The following SNX29 variants were observed in gnomAD, a reference collection of about 807,000 sequenced individuals.
SNX29 encodes sorting nexin 29, also known as sorting nexin-29.
Under a neutral mutation model 102.1 loss-of-function variants are expected in SNX29, and 78 were observed. The observed-to-expected ratio is 0.76, with a 90% CI of 0.64 to 0.92. SNX29 has a LOEUF of 0.92. Ranked by LOEUF, SNX29 falls within the 40% of genes least tolerant of loss-of-function variation. SNX29 has a pLI of 0.00. For missense variants in SNX29, 1,280 were observed against 1,061.7 expected, an observed-to-expected ratio of 1.21 and a Z score of -2.86; for synonymous variants, 580 against 414.5, an observed-to-expected ratio of 1.40 and a Z score of -4.85.
At position 12,362,553 on chromosome 16, in the gene SNX29, T is replaced by TCCCCCCCCCCCCCCCCC. The variant is rs1199911670; in HGVS notation, c.1899+6282_1899+6283insCCCCCCCCCCCCCCCCC. ...TGCAGAAGGATTTTGGCTGCTGCAC[T>TCCCCCCCCCCCCCCCCC]CCCCCCCCACCCCCCCCCCCACCAG... On this transcript the variant is annotated intron_variant, in intron 16 of 20. Transcript: ENST00000566228. 7.2e-4 allele frequency among the ~76,000 whole-genome samples: 8 copies of TCCCCCCCCCCCCCCCCC among 11,052 alleles called. 1 individual carries two copies. The highest frequency in any genetic ancestry group is 1.2e-3 in the African/African-American group (4 of 3,320). The allele number at this position is 11,052 out of a possible 152,430, so 7.3% of individuals were successfully genotyped here.
intron 18 of SNX29, among the ~76,000 whole-genome samples, chr16:12,476,636 A>C (rs920170466): frequency 6.6e-6 from 1 of 151,330 alleles, no homozygotes; most frequent in African/African-American, 2.4e-5. Flanking sequence ...GGACTTCTGT[A>C]AACTTGATAG....
At position 12,315,816 on chromosome 16, in the gene SNX29, G is replaced by A. The variant is rs114792807; in HGVS notation, c.1782+37780G>A. 2.8e-3 allele frequency among the ~76,000 whole-genome samples: 420 copies of A among 152,308 alleles called. 1 individual carries two copies. The highest frequency in any genetic ancestry group is 9.7e-3 in the African/African-American group (402 of 41,562). On this transcript the variant is annotated intron_variant, in intron 15 of 20. Transcript: ENST00000566228. ...CAAAAATGGATGATGGGCTGGATTT[G>A]ACTCATGGTAGAGAGTTTGTCACCC...
intron 19 of SNX29, among the ~76,000 whole-genome samples, chr16:12,483,126 T>TTTTTC (rs2088041474): frequency 7.8e-6 from 1 of 128,218 alleles, no homozygotes; most frequent in East Asian, 2.3e-4. Flanking sequence ...TTTTTTTTTT[T>TTTTTC]TTTTTTTTTT....
chr16:12,241,564 A>T (rs1051187225), intron 14 of SNX29, among the ~76,000 whole-genome samples: 34 of 151,818 alleles, frequency 2.2e-4, no homozygotes, highest in Middle Eastern at 3.2e-3. Flanking sequence ...GGTTCAAGTG[A>T]TCTTCCTGCC....
At chr16:12,530,618 C>G (rs1017304884) in intron 20 of SNX29, among the ~76,000 whole-genome samples, 2 of 151,840 alleles carry the variant, frequency 1.3e-5, no homozygotes, top group Non-Finnish European at 2.9e-5. Flanking sequence ...TGCAGTGGCG[C>G]AATCTCAGCT....
At chr16:12,340,695 G>C (rs1288037315) in intron 15 of SNX29, among the ~76,000 whole-genome samples, 2 of 152,148 alleles carry the variant, frequency 1.3e-5, no homozygotes, top group Admixed American at 6.5e-5. Flanking sequence ...CAGAAGGGAC[G>C]ATCTCCCCTG....
chr16:12,060,711 C>T (rs1185929678), intron 8 of SNX29: 3 of 453,314 alleles, frequency 6.6e-6, no homozygotes, highest in Non-Finnish European at 1.3e-5. Context: ...GCAAAAATAC[C>T]TCCAGGTATT....
At chr16:12,370,385 A>C (rs572392096) in intron 16 of SNX29, among the ~76,000 whole-genome samples, 1 of 151,964 alleles carries the variant, frequency 6.6e-6, no homozygotes, top group Admixed American at 6.5e-5. Context: ...CGTGGTGAAA[A>C]CCCATCTCTA....
At chr16:12,453,401 T>A in intron 18 of SNX29, among the ~76,000 whole-genome samples, 1 of 152,238 alleles carries the variant, frequency 6.6e-6, no homozygotes, top group Non-Finnish European at 1.5e-5. Flanking sequence ...GGTGTGACCC[T>A]GGGCACATCA....
chr16:12,234,103 G>A (rs895965276), intron 14 of SNX29, among the ~76,000 whole-genome samples: 3 of 152,108 alleles, frequency 2.0e-5, no homozygotes, highest in South Asian at 2.1e-4. Context: ...ATTTCTCTCG[G>A]GTATAACCTA....
intron 14 of SNX29, among the ~76,000 whole-genome samples, chr16:12,259,097 GCTTTGGCTTC>G (rs1409623779): frequency 6.6e-6 from 1 of 152,058 alleles, no homozygotes; most frequent in Non-Finnish European, 1.5e-5. Flanking sequence ...GAGCTTCCTT[GCTTTGGCTTC>G]CTAGACATAA....
At chr16:12,189,335 A>T (rs2076586452) in intron 13 of SNX29, among the ~76,000 whole-genome samples, 1 of 152,210 alleles carries the variant, frequency 6.6e-6, no homozygotes, top group Non-Finnish European at 1.5e-5. Flanking sequence ...TGTGATTTTC[A>T]TGTCTGTTCG....
chr16:12,266,394 C>T (rs914219067), intron 14 of SNX29, among the ~76,000 whole-genome samples: 1 of 152,062 alleles, frequency 6.6e-6, no homozygotes, highest in Non-Finnish European at 1.5e-5. Context: ...CAGGACTGCC[C>T]CTATTGCGGA....
At chr16:12,336,786 A>C (rs576469034) in intron 15 of SNX29, among the ~76,000 whole-genome samples, 2 of 152,322 alleles carry the variant, frequency 1.3e-5, no homozygotes, top group African/African-American at 4.8e-5. Flanking sequence ...CTCTACTAAA[A>C]TTGAAAAAAA....
At chr16:12,507,572 C>A (rs1439097719) in intron 19 of SNX29, among the ~76,000 whole-genome samples, 7 of 152,018 alleles carry the variant, frequency 4.6e-5, no homozygotes, top group African/African-American at 1.7e-4. Context: ...CCTTCACCAT[C>A]CCCTGGGGCA....
intron 8 of SNX29, among the ~76,000 whole-genome samples, chr16:12,061,316 A>G (rs986611854): frequency 6.6e-6 from 1 of 152,226 alleles, no homozygotes; most frequent in Non-Finnish European, 1.5e-5. Context: ...TGCCTGGCAT[A>G]TAATAGGTGC....
Position 12,571,468 on chromosome 16 carries a change from C to CCT in SNX29, c.*2841_*2842dup, listed in dbSNP as rs1452049044. On this transcript the variant is annotated 3_prime_UTR_variant, in exon 21 of 21. Coordinates refer to ENST00000566228, the MANE Select transcript of SNX29 (RefSeq NM_032167.5). ...AAACAACATCTGAGAACAGAAGCCC[C>CCT]CTCCCCTACTCAGAGAGGAACGAGG... 2 of 255,222 alleles carry CCT rather than the reference C, an allele frequency of 7.8e-6. No individual in the cohort carries two copies. Among genetic ancestry groups the CCT allele is most frequent in the East Asian group, 1.2e-4 (2 of 16,484 alleles). The allele number at this position is 255,222 out of a possible 1,614,324, so 15.8% of individuals were successfully genotyped here. A position where few individuals can be genotyped will look rare whatever the true frequency, so the allele number is the denominator to read the frequency against.
intron 1 of SNX29, among the ~76,000 whole-genome samples, chr16:11,996,948 T>C (rs1440270234): frequency 6.6e-6 from 1 of 152,160 alleles, no homozygotes; most frequent in Non-Finnish European, 1.5e-5. Flanking sequence ...GTCAGTTGTT[T>C]TATTGTGTGT....
intron 20 of SNX29, among the ~76,000 whole-genome samples, chr16:12,550,268 G>A (rs888383147): frequency 2.6e-5 from 4 of 152,164 alleles, no homozygotes; most frequent in Non-Finnish European, 5.9e-5. Flanking sequence ...CAGACACAGA[G>A]GCTTATACCT....
Sources: gnomAD v4.1 joint callset for allele counts (sites outside exome capture counted in the v4.1 genomes callset) on GRCh38, gnomAD v4.1.1 for gene constraint, MANE v1.5 for transcripts, NCBI Gene and HGNC (gene_info 2026-07-23, HGNC 2026-07-21) for gene names.